The following USP20 variants were observed in gnomAD, a reference collection of about 807,000 sequenced individuals.
USP20 encodes the protein ubiquitin carboxyl-terminal hydrolase 20.
USP20 carries 80 observed loss-of-function variants against 124.2 expected under a neutral mutation model. The ratio of observed to expected loss-of-function variants is 0.64; its 90% confidence interval spans 0.54 to 0.78. The LOEUF (loss-of-function observed/expected upper bound fraction) is 0.78, where lower values mean the gene tolerates loss of function less well. USP20 is among the 30% of genes least tolerant of loss of function. The probability of loss-of-function intolerance (pLI) is 0.00; values close to 1 mark genes in which losing one functional copy is unlikely to be tolerated. For missense variants in USP20, 1,043 were observed against 1,244.4 expected, an observed-to-expected ratio of 0.84 and a Z score of 2.44; for synonymous variants, 481 against 512.3, an observed-to-expected ratio of 0.94 and a Z score of 0.83.
intron 15 of USP20, among the ~76,000 whole-genome samples, chr9:129,873,080 CTT>C (rs59712662): frequency 1.3e-4 from 10 of 78,366 alleles, no homozygotes; most frequent in East Asian, 4.5e-4. Flanking sequence ...TTTTCTTCTT[CTT>C]TTTTTTTTTT....
At chr9:129,849,250 A>G (rs2032763781) in intron 1 of USP20, among the ~76,000 whole-genome samples, 1 of 152,154 alleles carries the variant, frequency 6.6e-6, no homozygotes, top group African/African-American at 2.4e-5. Context: ...AGCAGTGACT[A>G]GTGAAGGCCA....
intron 4 of USP20, among the ~76,000 whole-genome samples, chr9:129,857,751 G>A (rs990732516): frequency 7.2e-5 from 11 of 152,156 alleles, no homozygotes; most frequent in African/African-American, 2.4e-4. Context: ...TCTTGGTCCC[G>A]AGCAGCCAGG....
chr9:129,862,754 A>C (rs958012734), intron 8 of USP20, among the ~76,000 whole-genome samples: 2 of 150,722 alleles, frequency 1.3e-5, no homozygotes, highest in Non-Finnish European at 3.0e-5. Context: ...AAATACAAAA[A>C]AATTAGCCAG....
chr9:129,871,325 A>G (rs2034116068), intron 15 of USP20, among the ~76,000 whole-genome samples: 1 of 21,816 alleles, frequency 4.6e-5, no homozygotes, highest in Non-Finnish European at 1.8e-4. Context: ...GGGTTCATCC[A>G]CGTTGCAGCG....
chr9:129,877,407 T>C (rs1421477409), intron 22 of USP20, among the ~76,000 whole-genome samples: 1 of 152,132 alleles, frequency 6.6e-6, no homozygotes, highest in African/African-American at 2.4e-5. Flanking sequence ...TAGTCCCCGC[T>C]ACCTGGAGGG....
intron 9 of USP20, among the ~76,000 whole-genome samples, chr9:129,863,843 C>A (rs1298570165): frequency 6.6e-6 from 1 of 151,910 alleles, no homozygotes; most frequent in East Asian, 1.9e-4. Context: ...CGCAGTGGCT[C>A]ACGCCTGTAA....
chr9:129,858,563 C>A lies in USP20; in HGVS notation c.295C>A (p.Pro99Thr), dbSNP rs746041872. 6.2e-7 allele frequency: 1 copy of A among 1,614,158 alleles called. No homozygotes were observed. The highest frequency in any genetic ancestry group is 8.5e-7 in the Non-Finnish European group (1 of 1,180,016). The change falls in exon 6 of 26, where the codon CCT becomes ACT. Residue 99 changes from proline (P) to threonine (T), a missense_variant. Pro to Thr is a conservative substitution (Grantham distance 38). Coordinates refer to ENST00000372429, the MANE Select transcript of USP20 (RefSeq NM_001110303.4). The stretch of plus-strand genomic sequence containing the variant: ...ATTCCTGGAGCAGCGGCTGGCAGCC[C>A]CTCTGCTGGGCTCCTCTTCCAAGTT... ...EVFLEQRLAA[P>T]LLGSSSKFSE... is the part of the protein sequence containing the mutation.
In USP20 at chr9:129,879,748, A is replaced by C; in HGVS notation, c.2584+104A>C. ...GGAGCCCCCTTACCACCTGTCTTAGAGTCAGGCTGAGACGTCCACCTGAGT... is the reference window on the plus strand; with the variant it reads ...GGAGCCCCCTTACCACCTGTCTTAGCGTCAGGCTGAGACGTCCACCTGAGT... On this transcript the variant is annotated intron_variant, in intron 24 of 25. Coordinates refer to ENST00000372429, the MANE Select transcript of USP20 (RefSeq NM_001110303.4). The surrounding 1 kb of genome is among the most constrained non-coding windows in gnomAD (Gnocchi z 4.2). 7.5e-7 allele frequency: 1 copy of C among 1,335,988 alleles called. No homozygotes were observed. The highest frequency in any genetic ancestry group is 1.2e-5 in the South Asian group (1 of 80,618). The allele number at this position is 1,335,988 out of a possible 1,614,324, so 82.8% of individuals were successfully genotyped here.
rs78793758 is a variant in USP20, at chr9:129,869,564, C to T, written c.1393-108C>T. Reference sequence around the variant, plus strand: ...GGGAGGGCCCTGCCTGCGTGGATCCCGTGTCTATGGCCTGGGGAGTAGTCC... The same window carrying T: ...GGGAGGGCCCTGCCTGCGTGGATCCTGTGTCTATGGCCTGGGGAGTAGTCC... On this transcript the variant is annotated intron_variant, in intron 13 of 25. Transcript: ENST00000372429. The T allele has an allele frequency of 9.3e-3, 14,376 of 1,544,616 alleles. 105 individuals carry two copies. Among genetic ancestry groups the T allele is most frequent in the East Asian group, 0.024 (1,059 of 44,150 alleles).
chr9:129,858,783 CCGAGG>C (rs1300370002), intron 6 of USP20, among the ~76,000 whole-genome samples, 185 bp downstream of exon 6: 1 of 152,166 alleles, frequency 6.6e-6, no homozygotes, highest in African/African-American at 2.4e-5. Context: ...CAACTCTGTG[CCGAGG>C]CATGTGTGAG....
At chr9:129,875,289 C>A in intron 19 of USP20, 21 bp from the exon 20 acceptor site, 1 of 1,584,178 alleles carries the variant, frequency 6.3e-7, no homozygotes, top group Non-Finnish European at 8.6e-7. Flanking sequence ...CACAGCTTCT[C>A]GCCCCCTCCT....
In USP20 at chr9:129,839,309, C is replaced by T. The variant is rs2032056790; in HGVS notation, c.-129+3810C>T. Among the ~76,000 whole-genome samples, 1 of 152,166 alleles carries T rather than the reference C, an allele frequency of 6.6e-6. No homozygotes were observed. The highest frequency in any genetic ancestry group is 1.5e-5 in the Non-Finnish European group (1 of 68,040). On this transcript the variant is annotated intron_variant, in intron 1 of 25. Transcript: ENST00000372429. This position sits in a 1 kb window ranked among gnomAD's most constrained non-coding sequence, Gnocchi z 4.5. Reference sequence around the variant, plus strand: ...GGTCCAGTGAGGTCACATGTGAGAACACCAGACTAAGATGTTAGTGTCAGT... The same window carrying T: ...GGTCCAGTGAGGTCACATGTGAGAATACCAGACTAAGATGTTAGTGTCAGT...
Position 129,865,324 on chromosome 9 carries a change from C to A in USP20, c.633C>A (p.Thr211=), listed in dbSNP as rs762070436. 1.2e-6 allele frequency: 2 copies of A among 1,614,064 alleles called. No individual in the cohort carries two copies. Among genetic ancestry groups the A allele is most frequent in the African/African-American group, 2.7e-5 (2 of 74,940 alleles). ...ACAGGCCAAGCTACGTGGTCCCCAC[C>A]AGTCTGTCTCATGGGATCAAGTTGG... ...HKKRPSYVVP[T]SLSHGIKLVN... is the part of the protein sequence containing the mutation. Residue 211 remains threonine (T), a synonymous_variant, in exon 10 of 26, where the codon ACC becomes ACA. Transcript: ENST00000372429.
rs536435750 is a variant in USP20 at position 129,836,388 on chromosome 9, G to A, written c.-129+889G>A. 5.3e-5 allele frequency among the ~76,000 whole-genome samples: 8 copies of A among 152,302 alleles called. No homozygotes were observed. In the South Asian group the frequency reaches 1.0e-3, roughly 20 times the overall value. On this transcript the variant is annotated intron_variant, in intron 1 of 25. Coordinates refer to ENST00000372429, the MANE Select transcript of USP20 (RefSeq NM_001110303.4). ...TGTTTTTCGTTTTACAAATGAGAAT[G>A]CGGAGTCTCCGAGGGGCAGTGCACG...
chr9:129,868,291 G>T lies in USP20; in HGVS notation c.977G>T (p.Arg326Leu). The T allele has an allele frequency of 6.2e-6, 10 of 1,613,980 alleles. No homozygotes were observed. The highest frequency in any genetic ancestry group is 5.9e-6 in the Non-Finnish European group (7 of 1,179,960). ...GGCCGAGCCATCTCTGAGAAGGAGCGGATGAAGGACCGCAAGTTCTCCTGG... is the reference window on the plus strand; with the variant it reads ...GGCCGAGCCATCTCTGAGAAGGAGCTGATGAAGGACCGCAAGTTCTCCTGG... ...EAGRAISEKE[R>L]MKDRKFSWGQ... is the part of the protein sequence containing the mutation. Residue 326 changes from arginine to leucine, a missense_variant, in exon 11 of 26, where the codon CGG becomes CTG. Transcript: ENST00000372429.
At chr9:129,840,851 A>T (rs1311509547) in intron 1 of USP20, among the ~76,000 whole-genome samples, 1 of 150,224 alleles carries the variant, frequency 6.7e-6, no homozygotes, top group East Asian at 2.0e-4. Flanking sequence ...GCTCACTGCA[A>T]CCTCCGCCTC....
chr9:129,878,102 T>C (rs1293103110), intron 22 of USP20, among the ~76,000 whole-genome samples: 1 of 152,162 alleles, frequency 6.6e-6, no homozygotes, highest in Non-Finnish European at 1.5e-5. Context: ...TGGTCTCAGT[T>C]GGGTCAAACA....
chr9:129,867,908 C>T, intron 10 of USP20, 97 bp from the exon 11 acceptor site: 1 of 1,461,152 alleles, frequency 6.8e-7, no homozygotes. Flanking sequence ...ATGAGGTCCT[C>T]CTAGATGGAG....
chr9:129,847,282 C>T (rs1277758741), intron 1 of USP20, among the ~76,000 whole-genome samples: 1 of 151,576 alleles, frequency 6.6e-6, no homozygotes, highest in Admixed American at 6.6e-5. Context: ...TATCCACACC[C>T]TCGCCAACAG....
Sources: allele counts gnomAD v4.1 joint callset (sites outside exome capture counted in the v4.1 genomes callset), GRCh38; gene constraint gnomAD v4.1.1; non-coding constraint Gnocchi (gnomAD v3.1); transcripts MANE v1.5; gene names NCBI Gene and HGNC (gene_info 2026-07-23, HGNC 2026-07-21).